Variants in LAMA4 observed in about 807,000 individuals in gnomAD.
LAMA4 encodes laminin subunit alpha 4, also known as laminin subunit alpha-4.
A neutral mutation model predicts 207.1 loss-of-function variants in LAMA4; 127 were observed. The ratio of observed to expected loss-of-function variants is 0.61; its 90% confidence interval spans 0.53 to 0.71. The LOEUF is 0.71. LAMA4 is among the 30% of genes least tolerant of loss of function. The pLI is 0.00. For missense variants in LAMA4, 2,093 were observed against 2,246.5 expected, an observed-to-expected ratio of 0.93 and a Z score of 1.38; for synonymous variants, 761 against 816.0, an observed-to-expected ratio of 0.93 and a Z score of 1.15.
At chr6:112,232,536 G>A (rs1785631069) in intron 2 of LAMA4, among the ~76,000 whole-genome samples, 1 of 152,032 alleles carries the variant, frequency 6.6e-6, no homozygotes, top group African/African-American at 2.4e-5. Context: ...ATAGCATAAT[G>A]TGTACATTTC....
intron 30 of LAMA4, among the ~76,000 whole-genome samples, chr6:112,129,394 T>G (rs1201075444): frequency 6.6e-6 from 1 of 152,190 alleles, no homozygotes; most frequent in Non-Finnish European, 1.5e-5. Flanking sequence ...TGCTTGTTCT[T>G]GTACTCAAGG....
At chr6:112,146,217 G>A (rs1780020503) in intron 18 of LAMA4, among the ~76,000 whole-genome samples, 1 of 151,930 alleles carries the variant, frequency 6.6e-6, no homozygotes. Flanking sequence ...TTGAACCCGA[G>A]AGGCAGAGGT....
Position 112,253,998 on chromosome 6 carries a change from G to T in LAMA4, c.153C>A (p.Ser51Arg), listed in dbSNP as rs782192817. 23 of 1,586,076 alleles carry T rather than the reference G, an allele frequency of 1.5e-5. No homozygotes were observed. Among genetic ancestry groups the T allele is most frequent in the Admixed American group, 7.3e-5 (4 of 54,808 alleles). ...GGCGTCCCAGAGCCACGCGGGGTTCGCTCGTCTCAGGCGGGTCTTGCCTGC... is the reference window on the plus strand; with the variant it reads ...GGCGTCCCAGAGCCACGCGGGGTTCTCTCGTCTCAGGCGGGTCTTGCCTGC... ...AVGRQDPPET[S>R]EPRVALGRLP... Residue 51 changes from serine (S) to arginine (R), a missense_variant, in exon 2 of 39, where the codon AGC (serine) becomes AGA (arginine). Physicochemically the swap from Ser to Arg is moderately radical, Grantham distance 110. Coordinates refer to ENST00000230538, the MANE Select transcript of LAMA4 (RefSeq NM_001105206.3).
At chr6:112,154,636 C>T in intron 16 of LAMA4, 1 of 579,934 alleles carries the variant, frequency 1.7e-6, no homozygotes, top group Non-Finnish European at 3.1e-6. Flanking sequence ...TATGTGTTTC[C>T]ATGTAGTTTA....
Position 112,142,170 on chromosome 6 carries a change from C to T in LAMA4, c.2616G>A (p.Pro872=), listed in dbSNP as rs782403895. ...ACTGATCTGCAGTCTCGGTCAGTTCCGGCCGCTTCACAGGGGGTTTCATGT... is the reference window on the plus strand; with the variant it reads ...ACTGATCTGCAGTCTCGGTCAGTTCTGGCCGCTTCACAGGGGGTTTCATGT... ...SLYMKPPVKR[P]ELTETADQFI... is the part of the protein sequence containing the mutation. The change falls in exon 20 of 39, where the codon CCG becomes CCA. Residue 872 remains proline (P), a synonymous_variant. Transcript: ENST00000230538. 2.6e-5 allele frequency: 42 copies of T among 1,613,966 alleles called. No individual in the cohort carries two copies. The highest frequency in any genetic ancestry group is 4.5e-5 in the East Asian group (2 of 44,890).
chr6:112,119,993 T>C (rs1778254742), intron 33 of LAMA4, among the ~76,000 whole-genome samples: 1 of 152,188 alleles, frequency 6.6e-6, no homozygotes, highest in African/African-American at 2.4e-5. Flanking sequence ...TGCTGAAAAG[T>C]AAAAACCTAT....
At position 112,216,465 on chromosome 6, in the gene LAMA4, C is replaced by T. The variant is rs1239642838; in HGVS notation, c.200G>A (p.Cys67Tyr). The change falls in exon 3 of 39, where the codon TGC becomes TAC. Residue 67 changes from cysteine to tyrosine, a missense_variant. Cys to Tyr is a radical substitution (Grantham distance 194). Transcript: ENST00000230538. The part of the protein sequence containing the change: ...LGRLPPAAEK[C>Y]NAGFFHTLSG... The stretch of plus-strand genomic sequence containing the variant: ...CAGGGTGTGAAAGAATCCAGCATTG[C>T]ATTTCTGCAACAGACACACCAAACC... The T allele has an allele frequency of 1.9e-6, 3 of 1,609,418 alleles. No individual in the cohort carries two copies. Among genetic ancestry groups the T allele is most frequent in the Non-Finnish European group, 2.6e-6 (3 of 1,175,704 alleles).
At position 112,187,598 on chromosome 6, in the gene LAMA4, C is replaced by T. The variant is rs782147615; in HGVS notation, c.818G>A (p.Cys273Tyr). 1 of 1,613,834 alleles carries T rather than the reference C, an allele frequency of 6.2e-7. No homozygotes were observed. Among genetic ancestry groups the T allele is most frequent in the Non-Finnish European group, 8.5e-7 (1 of 1,179,930 alleles). ...AGTCAGGTCCCAGACGCACTTATCACAGCCTGGAGGTGAAACATTTCTTCA... is the reference window on the plus strand; with the variant it reads ...AGTCAGGTCCCAGACGCACTTATCATAGCCTGGAGGTGAAACATTTCTTCA... ...PTGMDCPTIS[C>Y]DKCVWDLTDD... The change falls in exon 8 of 39, where the codon TGT becomes TAT. Residue 273 changes from cysteine to tyrosine, a missense_variant. Cys to Tyr is a radical substitution (Grantham distance 194). Coordinates refer to ENST00000230538, the MANE Select transcript of LAMA4 (RefSeq NM_001105206.3).
chr6:112,240,120 A>G (rs1247712416), intron 2 of LAMA4, among the ~76,000 whole-genome samples: 2 of 152,086 alleles, frequency 1.3e-5, no homozygotes, highest in East Asian at 1.9e-4. Flanking sequence ...TTCTTTTTCT[A>G]TTGTCATTTG....
chr6:112,196,849 A>G (rs1004114444), intron 5 of LAMA4, among the ~76,000 whole-genome samples: 1 of 152,222 alleles, frequency 6.6e-6, no homozygotes, highest in Non-Finnish European at 1.5e-5. Context: ...TACTTAAATA[A>G]AAACAACTGA....
At chr6:112,212,922 T>C (rs1784432769) in intron 3 of LAMA4, among the ~76,000 whole-genome samples, 1 of 152,196 alleles carries the variant, frequency 6.6e-6, no homozygotes, top group Admixed American at 6.5e-5. Context: ...AGTTCAAAAA[T>C]CATGAAAATG....
intron 2 of LAMA4, among the ~76,000 whole-genome samples, chr6:112,235,698 T>C (rs1411635003): frequency 5.9e-5 from 9 of 152,204 alleles, no homozygotes; most frequent in African/African-American, 2.2e-4. Flanking sequence ...TTTCTTCCTT[T>C]TAAGATCAAG....
At chr6:112,170,453 T>A (rs114345569) in intron 12 of LAMA4, among the ~76,000 whole-genome samples, 1 of 152,222 alleles carries the variant, frequency 6.6e-6, no homozygotes, top group Non-Finnish European at 1.5e-5. Flanking sequence ...TTAAATGCTC[T>A]TAATCTTCTT....
chr6:112,217,467 C>T (rs1485627562), intron 2 of LAMA4, among the ~76,000 whole-genome samples: 6 of 152,044 alleles, frequency 3.9e-5, no homozygotes, highest in Non-Finnish European at 7.4e-5. Context: ...CATCATACAC[C>T]CCCATTGACC....
At chr6:112,140,676 C>A in intron 22 of LAMA4, 84 bp downstream of exon 22, 4 of 1,302,530 alleles carry the variant, frequency 3.1e-6, no homozygotes, top group Non-Finnish European at 4.4e-6. Flanking sequence ...ATATCAGCAA[C>A]CCCCAAGTCA....
In LAMA4 at chr6:112,132,870, G is replaced by A. The variant is rs782531546; in HGVS notation, c.3717C>T (p.Phe1239=). 2 of 1,613,084 alleles carry A rather than the reference G, an allele frequency of 1.2e-6. No individual in the cohort carries two copies. ...TTGAAGCAATGAAGCTCTGTCCATT[G>A]AAATATGCTCTGCGAGATATCTGTG... is the stretch of plus-strand genomic sequence containing the variant. The part of the protein sequence containing the change: ...EDSLISRRAY[F]NGQSFIASIQ... Residue 1239 remains phenylalanine, a synonymous_variant, in exon 28 of 39, where the codon TTC becomes TTT. Transcript: ENST00000230538.
At chr6:112,243,278 TC>T (rs1786657807) in intron 2 of LAMA4, among the ~76,000 whole-genome samples, 1 of 151,928 alleles carries the variant, frequency 6.6e-6, no homozygotes, top group South Asian at 2.1e-4. Flanking sequence ...GAACCACCCC[TC>T]CCCACCCCCT....
chr6:112,216,795 G>A (rs1784652347), intron 2 of LAMA4: 1 of 353,642 alleles, frequency 2.8e-6, no homozygotes, highest in Non-Finnish European at 5.4e-6. Flanking sequence ...AAATGCTAAT[G>A]TTTTCTTCCA....
intron 2 of LAMA4, among the ~76,000 whole-genome samples, chr6:112,244,713 C>G (rs556263425): frequency 6.6e-6 from 1 of 152,194 alleles, no homozygotes; most frequent in Non-Finnish European, 1.5e-5. Context: ...CCCCTCTCTT[C>G]TCACGTACAA....
Sources: gnomAD v4.1 joint callset for allele counts (sites outside exome capture counted in the v4.1 genomes callset) on GRCh38, gnomAD v4.1.1 for gene constraint, MANE v1.5 for transcripts, NCBI Gene and HGNC (gene_info 2026-07-23, HGNC 2026-07-21) for gene names.